Variants in CD63 observed in about 807,000 individuals in gnomAD.
CD63 encodes the protein CD63 antigen.
A neutral mutation model predicts 29.2 loss-of-function variants in CD63; 16 were observed. That is an observed-to-expected ratio of 0.55 (90% confidence interval 0.37 to 0.83). The LOEUF is 0.83. Among genes scored for constraint, CD63 ranks in the 40% least tolerant of loss-of-function variants. CD63 has a pLI of 0.00. For synonymous variants in CD63, 118 were observed against 111.7 expected (o/e 1.06, Z -0.36); for missense variants, 251 against 297.3 (o/e 0.84, Z 1.15).
At position 55,727,576 on chromosome 12, in the gene CD63, C is replaced by G. The variant is rs546462137; in HGVS notation, c.67-237G>C. The G allele has an allele frequency of 6.1e-6, 8 of 1,302,418 alleles. No individual in the cohort carries two copies. The East Asian group carries it at 2.4e-4, about 39-fold the overall frequency. 80.7% of individuals were successfully genotyped at this position (1,302,418 alleles called of 1,614,324 possible). Reference sequence around the variant, plus strand: ...GGACATGACCAAATTCAAAAACCTCCCAGAAAGCCTTGACCTCAAGACACG... The same window carrying G: ...GGACATGACCAAATTCAAAAACCTCGCAGAAAGCCTTGACCTCAAGACACG... On this transcript the variant is annotated intron_variant, in intron 2 of 7. Coordinates refer to ENST00000257857, the MANE Select transcript of CD63 (RefSeq NM_001780.6).
At chr12:55,725,294 G>A, downstream of CD63, 4 of 528,922 alleles carry the variant, frequency 7.6e-6, no homozygotes, top group Non-Finnish European at 1.4e-5. Context: ...CACAGTCTCT[G>A]GATCCTCACT....
At chr12:55,729,382 C>A (rs1877764733), upstream of CD63, 1 of 153,758 alleles carries the variant, frequency 6.5e-6, no homozygotes, top group Admixed American at 6.5e-5. Context: ...CTCTGAGCGC[C>A]GGGGCGGAGA....
At chr12:55,727,062 CA>C in intron 3 of CD63, 88 bp downstream of exon 3, 1 of 1,554,774 alleles carries the variant, frequency 6.4e-7, no homozygotes, top group South Asian at 1.1e-5. Context: ...AGGTCTTCCT[CA>C]CCCACCCACC....
chr12:55,727,708 A>C, intron 2 of CD63: 2 of 1,049,152 alleles, frequency 1.9e-6, no homozygotes, highest in Non-Finnish European at 1.1e-6. Context: ...CCACGCGCGC[A>C]TCAGCTGTGA....
At chr12:55,723,855 A>AC (rs766801215), downstream of CD63, 2 of 1,610,932 alleles carry the variant, frequency 1.2e-6, no homozygotes, top group South Asian at 2.2e-5. Context: ...TAGGGCAAGA[A>AC]CCCAGCAACT....
At chr12:55,727,546 A>G in intron 2 of CD63, 1 of 1,293,100 alleles carries the variant, frequency 7.7e-7, no homozygotes, top group Non-Finnish European at 9.9e-7. Flanking sequence ...CGGCTCTTTA[A>G]TCAGGGACAT....
chr12:55,727,391 C>T (rs767729381), intron 2 of CD63, 52 bp from the exon 3 acceptor site: 1 of 1,530,540 alleles, frequency 6.5e-7, no homozygotes, highest in South Asian at 1.2e-5. Context: ...CAGTGGCCCT[C>T]CATGGTGGAG....
At chr12:55,727,486 G>A (rs1592532277) in intron 2 of CD63, 147 bp from the exon 3 acceptor site, 1 of 1,187,430 alleles carries the variant, frequency 8.4e-7, no homozygotes, top group South Asian at 1.7e-5. Flanking sequence ...TGGCTGTGGG[G>A]TAGGGGGATG....
Position 55,725,499 on chromosome 12 carries a change from T to C in CD63, c.*62A>G. 3 of 1,329,982 alleles carry C rather than the reference T, an allele frequency of 2.3e-6. No individual in the cohort carries two copies. Among genetic ancestry groups the C allele is most frequent in the East Asian group, 2.3e-5 (1 of 43,502 alleles). The allele number at this position is 1,329,982 out of a possible 1,614,324, so 82.4% of individuals were successfully genotyped here. On this transcript the variant is annotated 3_prime_UTR_variant, in exon 8 of 8. Transcript: ENST00000257857. ...CGGTCTGAAAAAATAATCCGTTTAATTGAAAAACCTGGAGGATACTATTCC... is the reference window on the plus strand; with the variant it reads ...CGGTCTGAAAAAATAATCCGTTTAACTGAAAAACCTGGAGGATACTATTCC...
At position 55,725,335 on chromosome 12, in the gene CD63, G is replaced by A. The variant is rs1184461939; in HGVS notation, c.*226C>T. On this transcript the variant is annotated 3_prime_UTR_variant, in exon 8 of 8. Coordinates refer to ENST00000257857, the MANE Select transcript of CD63 (RefSeq NM_001780.6). ...CACTGCCTGCCCAACCAACACCTTC[G>A]CAAAGTCCTCCTTTCCCAAACACCC... 21 of 571,378 alleles carry A rather than the reference G, an allele frequency of 3.7e-5. No individual in the cohort carries two copies. The highest frequency in any genetic ancestry group is 5.0e-5 in the Non-Finnish European group (16 of 320,228). The allele number at this position is 571,378 out of a possible 1,614,324, so 35.4% of individuals were successfully genotyped here.
chr12:55,728,729 T>G lies in CD63; in HGVS notation c.-12+224A>C. On this transcript the variant is annotated intron_variant, in intron 1 of 7. Coordinates refer to ENST00000257857, the MANE Select transcript of CD63 (RefSeq NM_001780.6). This position sits in a 1 kb window ranked among gnomAD's most constrained non-coding sequence, Gnocchi z 4.8. Reference sequence around the variant, plus strand: ...AACCCCGACCCCCGCCCCAGCCCCTTTCCCCTGGGCTCTGACCTCCCCGCC... The same window carrying G: ...AACCCCGACCCCCGCCCCAGCCCCTGTCCCCTGGGCTCTGACCTCCCCGCC... 1 of 1,001,510 alleles carries G rather than the reference T, an allele frequency of 1.0e-6. No individual in the cohort carries two copies. Among genetic ancestry groups the G allele is most frequent in the Admixed American group, 6.1e-5 (1 of 16,488 alleles). The allele number at this position is 1,001,510 out of a possible 1,614,324, so 62.0% of individuals were successfully genotyped here. A position where few individuals can be genotyped will look rare whatever the true frequency, so the allele number is the denominator to read the frequency against.
At position 55,728,506 on chromosome 12, in the gene CD63, C is replaced by G; in HGVS notation, c.-11-154G>C. 2 of 1,461,994 alleles carry G rather than the reference C, an allele frequency of 1.4e-6. No individual in the cohort carries two copies. Among genetic ancestry groups the G allele is most frequent in the Non-Finnish European group, 1.8e-6 (2 of 1,111,880 alleles). 90.6% of individuals were successfully genotyped at this position (1,461,994 alleles called of 1,614,324 possible). A position where few individuals can be genotyped will look rare whatever the true frequency, so the allele number is the denominator to read the frequency against. On this transcript the variant is annotated intron_variant, in intron 1 of 7. Transcript: ENST00000257857. The surrounding 1 kb of genome is among the most constrained non-coding windows in gnomAD (Gnocchi z 4.8). ...GCGGTCGGATCCACGTCTCCCAGCC[C>G]CCTCTTTACCCGCAGGAGAGGGGTG...
At chr12:55,723,744 C>T, downstream of CD63, 1 of 927,114 alleles carries the variant, frequency 1.1e-6, no homozygotes, top group Admixed American at 1.9e-5. Flanking sequence ...CCCACTTGAC[C>T]CTTGTCCCGG....
intron 2 of CD63, chr12:55,727,552 G>T (rs1301261129): frequency 3.1e-6 from 4 of 1,292,426 alleles, no homozygotes; most frequent in Non-Finnish European, 4.0e-6. Context: ...TTTAATCAGG[G>T]ACATGACCAA....
At position 55,725,579 on chromosome 12, in the gene CD63, A is replaced by G. The variant is rs1877213386; in HGVS notation, c.699T>C (p.Ser233=). 6.2e-7 allele frequency: 1 copy of G among 1,614,050 alleles called. No homozygotes were observed. Among genetic ancestry groups the G allele is most frequent in the Non-Finnish European group, 8.5e-7 (1 of 1,179,970 alleles). ...CAGACCCCTACATCACCTCGTAGCC[A>G]CTTCTGATACTCTTCACGAGGCAGC... The part of the protein sequence containing the change: ...FACCLVKSIR[S]GYEVM The change falls in exon 8 of 8, where the codon AGT becomes AGC. Residue 233 remains serine, a synonymous_variant. Transcript: ENST00000257857.
chr12:55,726,334 C>CTTTTTTTT (rs777731653), intron 5 of CD63, 73 bp from the exon 6 acceptor site: 6 of 288,124 alleles, frequency 2.1e-5, no homozygotes, highest in South Asian at 2.6e-5. Context: ...GATGAGAATT[C>CTTTTTTTT]TTTTTTTTTT....
chr12:55,727,441 G>A (rs1051723644), intron 2 of CD63, 102 bp from the exon 3 acceptor site: 5 of 1,285,026 alleles, frequency 3.9e-6, no homozygotes, highest in South Asian at 1.5e-5. Context: ...GACCCCATCC[G>A]GAAGAGAGAT....
In CD63 at chr12:55,728,708, C is replaced by T; in HGVS notation, c.-12+245G>A. ...TGGAGAAACGGTCTTCAGCCCAACC[C>T]CGACCCCCGCCCCAGCCCCTTTCCC... On this transcript the variant is annotated intron_variant, in intron 1 of 7. Transcript: ENST00000257857. This position sits in a 1 kb window ranked among gnomAD's most constrained non-coding sequence, Gnocchi z 4.8. The T allele has an allele frequency of 1.8e-6, 2 of 1,090,844 alleles. No individual in the cohort carries two copies. The highest frequency in any genetic ancestry group is 2.7e-5 in the South Asian group (1 of 36,598). The allele number at this position is 1,090,844 out of a possible 1,614,324, so 67.6% of individuals were successfully genotyped here. A position where few individuals can be genotyped will look rare whatever the true frequency, so the allele number is the denominator to read the frequency against.
downstream of CD63, chr12:55,725,207 C>CT (rs1877170324): frequency 3.0e-6 from 1 of 333,308 alleles, no homozygotes; most frequent in East Asian, 7.5e-5. Context: ...TGGGGAGCTG[C>CT]TTTGACTTAT....
Sources: gnomAD v4.1 joint callset for allele counts on GRCh38, gnomAD v4.1.1 for gene constraint, Gnocchi (gnomAD v3.1) non-coding constraint, MANE v1.5 for transcripts, NCBI Gene and HGNC (gene_info 2026-07-23, HGNC 2026-07-21) for gene names.